Variants in EXOC4 observed in about 807,000 individuals in gnomAD.
EXOC4 encodes the protein SEC8-like 1.
EXOC4 carries 71 observed loss-of-function variants against 107.2 expected under a neutral mutation model. The observed-to-expected ratio is 0.66, with a 90% CI of 0.55 to 0.81. The LOEUF (loss-of-function observed/expected upper bound fraction) is 0.81. Ranked by LOEUF, EXOC4 falls within the 30% of genes least tolerant of loss-of-function variation. The pLI, the probability that EXOC4 is intolerant of heterozygous loss-of-function variation, is 0.00. For missense variants in EXOC4, 1,108 were observed against 1,189.6 expected, an observed-to-expected ratio of 0.93 and a Z score of 1.01; for synonymous variants, 456 against 441.2, an observed-to-expected ratio of 1.03 and a Z score of -0.42.
At position 133,722,929 on chromosome 7, in the gene EXOC4, A is replaced by G. The variant is rs865850087; in HGVS notation, c.1514+92788A>G. Among the ~76,000 whole-genome samples, 6 of 152,188 alleles carry G rather than the reference A, an allele frequency of 3.9e-5. No homozygotes were observed. In the South Asian group the frequency reaches 6.2e-4, roughly 16 times the overall value. Reference sequence around the variant, plus strand: ...ATTCTACTTGTGCATTTATTAAACTACTCTTAACCTTTTCTTAGGTCAGTG... The same window carrying G: ...ATTCTACTTGTGCATTTATTAAACTGCTCTTAACCTTTTCTTAGGTCAGTG... On this transcript the variant is annotated intron_variant, in intron 10 of 17. Transcript: ENST00000253861.
chr7:134,011,096 A>G (rs568496727), intron 17 of EXOC4, among the ~76,000 whole-genome samples: 6 of 152,316 alleles, frequency 3.9e-5, no homozygotes, highest in African/African-American at 1.2e-4. Context: ...AAGATACTTT[A>G]TCCAGGAAAA....
At chr7:133,718,565 G>A (rs1218269774) in intron 10 of EXOC4, among the ~76,000 whole-genome samples, 4 of 152,082 alleles carry the variant, frequency 2.6e-5, no homozygotes, top group South Asian at 2.1e-4. Flanking sequence ...TTGCACTACC[G>A]AGGTTAAGAA....
At chr7:133,381,066 T>A (rs947899916) in intron 7 of EXOC4, among the ~76,000 whole-genome samples, 1 of 152,198 alleles carries the variant, frequency 6.6e-6, no homozygotes, top group East Asian at 1.9e-4. Flanking sequence ...CTGTTGATTG[T>A]TTCTTAACTA....
At chr7:133,536,247 A>T (rs867961533) in intron 9 of EXOC4, among the ~76,000 whole-genome samples, 3 of 152,182 alleles carry the variant, frequency 2.0e-5, no homozygotes, top group Admixed American at 6.5e-5. Flanking sequence ...AATGTTCAAC[A>T]AATTACAATT....
At chr7:133,847,324 G>A (rs1258907467) in intron 11 of EXOC4, among the ~76,000 whole-genome samples, 2 of 151,834 alleles carry the variant, frequency 1.3e-5, no homozygotes, top group African/African-American at 4.8e-5. Context: ...ATTAGCAGCA[G>A]CAAGGGCAAT....
At chr7:133,731,650 A>G (rs1795328731) in intron 10 of EXOC4, among the ~76,000 whole-genome samples, 1 of 152,174 alleles carries the variant, frequency 6.6e-6, no homozygotes, top group African/African-American at 2.4e-5. Context: ...TGACTCTACC[A>G]TTTAGCTTAA....
intron 17 of EXOC4, among the ~76,000 whole-genome samples, chr7:134,051,964 C>T (rs979431180): frequency 6.7e-6 from 1 of 150,368 alleles, no homozygotes. Context: ...CCAGCCTGGG[C>T]AATAGAGCAC....
chr7:133,808,373 G>A (rs528629637), intron 10 of EXOC4, among the ~76,000 whole-genome samples: 1 of 152,104 alleles, frequency 6.6e-6, no homozygotes, highest in South Asian at 2.1e-4. Context: ...TCTTAAATAT[G>A]CCTGTTGCTG....
chr7:133,986,316 C>T (rs1794113001), intron 14 of EXOC4, among the ~76,000 whole-genome samples: 1 of 152,138 alleles, frequency 6.6e-6, no homozygotes, highest in Non-Finnish European at 1.5e-5. Flanking sequence ...AAATGTGTTT[C>T]TTAGATAAGG....
intron 9 of EXOC4, among the ~76,000 whole-genome samples, chr7:133,500,809 G>A (rs1407959472): frequency 6.6e-6 from 1 of 152,164 alleles, no homozygotes; most frequent in Non-Finnish European, 1.5e-5. Flanking sequence ...TGGGTGTGTA[G>A]TGGTATCTCA....
chr7:133,682,348 A>G (rs1374593867), intron 10 of EXOC4, among the ~76,000 whole-genome samples: 1 of 152,194 alleles, frequency 6.6e-6, no homozygotes, highest in Admixed American at 6.5e-5. Context: ...TTTGAAAAGT[A>G]TATGTTATGT....
intron 7 of EXOC4, among the ~76,000 whole-genome samples, chr7:133,469,869 G>A (rs1398654739): frequency 6.6e-6 from 1 of 152,162 alleles, no homozygotes; most frequent in African/African-American, 2.4e-5. Flanking sequence ...TCTGTAAAAG[G>A]TGGTTGCCCC....
intron 11 of EXOC4, among the ~76,000 whole-genome samples, chr7:133,887,647 C>A (rs1284459240): frequency 3.3e-5 from 5 of 152,168 alleles, no homozygotes; most frequent in African/African-American, 1.2e-4. Context: ...CCCAAACCTA[C>A]CCCAGAGATA....
intron 17 of EXOC4, among the ~76,000 whole-genome samples, chr7:134,045,836 C>T (rs1483504431): frequency 6.6e-6 from 1 of 152,106 alleles, no homozygotes; most frequent in Non-Finnish European, 1.5e-5. Context: ...GTGGGTTTGC[C>T]TCTTCTGGAT....
intron 10 of EXOC4, among the ~76,000 whole-genome samples, chr7:133,638,943 G>A (rs1197742362): frequency 1.3e-5 from 2 of 152,078 alleles, no homozygotes; most frequent in Non-Finnish European, 2.9e-5. Context: ...AGACTATTCA[G>A]AACAAAATGC....
intron 10 of EXOC4, among the ~76,000 whole-genome samples, chr7:133,659,415 C>T (rs1803385176): frequency 6.6e-6 from 1 of 152,158 alleles, no homozygotes; most frequent in South Asian, 2.1e-4. Flanking sequence ...TAAGGATGCT[C>T]TAAGGGCCTT....
At chr7:133,512,503 C>G (rs1326918268) in intron 9 of EXOC4, among the ~76,000 whole-genome samples, 2 of 151,826 alleles carry the variant, frequency 1.3e-5, no homozygotes, top group Admixed American at 6.6e-5. Flanking sequence ...TGGGGAGGAT[C>G]TCTGAAGGAT....
At chr7:133,973,729 C>A (rs1180627188) in intron 14 of EXOC4, among the ~76,000 whole-genome samples, 1 of 152,152 alleles carries the variant, frequency 6.6e-6, no homozygotes, top group Admixed American at 6.5e-5. Flanking sequence ...TATTTAGAAA[C>A]CTGATGCATT....
chr7:133,536,914 C>A (rs1302323936), intron 9 of EXOC4, among the ~76,000 whole-genome samples: 1 of 151,996 alleles, frequency 6.6e-6, no homozygotes, highest in African/African-American at 2.4e-5. Context: ...TGGAAGTTGC[C>A]CACACTGACT....
Sources: gnomAD v4.1 joint callset for allele counts (sites outside exome capture counted in the v4.1 genomes callset) on GRCh38, gnomAD v4.1.1 for gene constraint, MANE v1.5 for transcripts, NCBI Gene and HGNC (gene_info 2026-07-23, HGNC 2026-07-21) for gene names.